Variants in GMDS observed in about 807,000 individuals in gnomAD.
GMDS encodes GDP-mannose 4,6-dehydratase.
GMDS carries 20 observed loss-of-function variants against 49.9 expected under a neutral mutation model. The ratio of observed to expected loss-of-function variants is 0.40; its 90% CI spans 0.28 to 0.58. The LOEUF is 0.58. Ranked by LOEUF, GMDS falls within the 20% of genes least tolerant of loss-of-function variation. The pLI, the probability that GMDS is intolerant of heterozygous loss-of-function variation, is 0.42. For synonymous variants in GMDS, 177 were observed against 178.6 expected, an observed-to-expected ratio of 0.99 and a Z score of 0.07; for missense variants, 362 against 481.4, an observed-to-expected ratio of 0.75 and a Z score of 2.32.
At chr6:1,681,131 CA>C (rs1764772336) in intron 9 of GMDS, among the ~76,000 whole-genome samples, 1 of 152,124 alleles carries the variant, frequency 6.6e-6, no homozygotes. Context: ...CACACACTTA[CA>C]GATACACACA....
intron 4 of GMDS, among the ~76,000 whole-genome samples, chr6:1,997,507 CAAA>C (rs542421435): frequency 1.5e-4 from 9 of 61,604 alleles, no homozygotes; most frequent in African/African-American, 5.6e-4. Flanking sequence ...GACTCTGTCT[CAAA>C]AAAAAAAAAA....
At chr6:1,626,543 C>G (rs2113139283) in intron 9 of GMDS, among the ~76,000 whole-genome samples, 1 of 152,254 alleles carries the variant, frequency 6.6e-6, no homozygotes, top group South Asian at 2.1e-4. Flanking sequence ...ATTCTTTTTC[C>G]CCAGAGGAAG....
At chr6:2,181,193 A>AAG (rs1037488862) in intron 1 of GMDS, among the ~76,000 whole-genome samples, 3 of 151,538 alleles carry the variant, frequency 2.0e-5, no homozygotes, top group African/African-American at 7.3e-5. Context: ...AAAAAAAAAA[A>AAG]AAGACAGATC....
At chr6:1,676,461 G>C (rs1040807264) in intron 9 of GMDS, among the ~76,000 whole-genome samples, 3 of 152,182 alleles carry the variant, frequency 2.0e-5, no homozygotes, top group African/African-American at 7.2e-5. Flanking sequence ...CCAAAAAAGA[G>C]CCCGCATTGC....
At chr6:1,959,683 C>T (rs1406980172) in intron 6 of GMDS, 184 bp downstream of exon 6, 2 of 396,014 alleles carry the variant, frequency 5.1e-6, no homozygotes, top group Non-Finnish European at 9.0e-6. Flanking sequence ...CCCACAAACT[C>T]AAAATAAAAT....
At chr6:2,071,428 G>A (rs1771990761) in intron 4 of GMDS, among the ~76,000 whole-genome samples, 1 of 151,826 alleles carries the variant, frequency 6.6e-6, no homozygotes, top group Non-Finnish European at 1.5e-5. Context: ...TCCTTTCCAT[G>A]AGCCCATGTG....
rs547580398 is a variant in GMDS at position 2,153,011 on chromosome 6, C to T, written c.103-28280G>A. Among the ~76,000 whole-genome samples the T allele has an allele frequency of 1.4e-3, 208 of 151,994 alleles. 2 individuals carry two copies. The highest frequency in any genetic ancestry group is 2.0e-3 in the Non-Finnish European group (134 of 67,954). On this transcript the variant is annotated intron_variant, in intron 1 of 10. Coordinates refer to ENST00000380815, the MANE Select transcript of GMDS (RefSeq NM_001500.4). Reference sequence around the variant, plus strand: ...AGGGGCATCGCTTGAACCCAGTAGGCGGAAGTCGCTGCACTCCAGCCTGGG... The same window carrying T: ...AGGGGCATCGCTTGAACCCAGTAGGTGGAAGTCGCTGCACTCCAGCCTGGG...
intron 4 of GMDS, among the ~76,000 whole-genome samples, chr6:2,009,834 C>G (rs1234507256): frequency 6.6e-6 from 1 of 152,180 alleles, no homozygotes; most frequent in Non-Finnish European, 1.5e-5. Flanking sequence ...CGTTACTGTA[C>G]TCTCCAAAAC....
At chr6:1,843,653 A>C (rs543373859) in intron 7 of GMDS, among the ~76,000 whole-genome samples, 1 of 152,282 alleles carries the variant, frequency 6.6e-6, no homozygotes, top group South Asian at 2.1e-4. Flanking sequence ...CTGTAGTCCC[A>C]GTTACCCAGG....
intron 7 of GMDS, among the ~76,000 whole-genome samples, chr6:1,773,530 C>T (rs542992735): frequency 1.3e-5 from 2 of 152,284 alleles, no homozygotes; most frequent in South Asian, 2.1e-4. Flanking sequence ...TGGGCAGGTG[C>T]GTGCACATCG....
chr6:2,060,880 C>G (rs1457418755), intron 4 of GMDS, among the ~76,000 whole-genome samples: 5 of 151,964 alleles, frequency 3.3e-5, no homozygotes, highest in Admixed American at 3.3e-4. Flanking sequence ...ATTAGCCGGG[C>G]GTAGTGGCAG....
chr6:2,030,604 CAT>C (rs1227958946), intron 4 of GMDS, among the ~76,000 whole-genome samples: 1 of 152,146 alleles, frequency 6.6e-6, no homozygotes, highest in African/African-American at 2.4e-5. Context: ...GGATGAATGA[CAT>C]GTGCACACAG....
At chr6:1,675,845 T>C (rs1764603955) in intron 9 of GMDS, among the ~76,000 whole-genome samples, 3 of 138,278 alleles carry the variant, frequency 2.2e-5, no homozygotes, top group Admixed American at 7.1e-5. Flanking sequence ...ACAGTGAGAC[T>C]CTGTCTCAAA....
intron 1 of GMDS, among the ~76,000 whole-genome samples, chr6:2,235,832 A>G (rs1198666374): frequency 2.1e-5 from 3 of 141,608 alleles, no homozygotes; most frequent in Non-Finnish European, 3.1e-5. Context: ...AAAAAATAAG[A>G]AAAAAAAAAA....
At chr6:2,212,251 C>G (rs57322395) in intron 1 of GMDS, among the ~76,000 whole-genome samples, 3,023 of 152,298 alleles carry the variant, frequency 0.02, 66 homozygotes, top group African/African-American at 0.052. Flanking sequence ...AGTGGCTCTA[C>G]TGTTATTTTC....
chr6:2,171,346 T>C (rs1451877566), intron 1 of GMDS, among the ~76,000 whole-genome samples: 2 of 152,214 alleles, frequency 1.3e-5, no homozygotes, highest in Non-Finnish European at 2.9e-5. Flanking sequence ...CGGTCTGCTA[T>C]AACAAAATAC....
At chr6:2,021,093 A>C (rs1161962724) in intron 4 of GMDS, among the ~76,000 whole-genome samples, 1 of 152,212 alleles carries the variant, frequency 6.6e-6, no homozygotes, top group Non-Finnish European at 1.5e-5. Context: ...CAGGAACTCC[A>C]CATCCTGTTG....
chr6:1,848,553 T>G (rs1757517921), intron 7 of GMDS, among the ~76,000 whole-genome samples: 2 of 152,228 alleles, frequency 1.3e-5, no homozygotes, highest in Admixed American at 1.3e-4. Flanking sequence ...TTTTCTTGTT[T>G]TGTTTTGTTT....
At chr6:2,127,630 C>T (rs1307694274) in intron 1 of GMDS, among the ~76,000 whole-genome samples, 3 of 152,206 alleles carry the variant, frequency 2.0e-5, no homozygotes, top group African/African-American at 2.4e-5. Flanking sequence ...CCAGGCCTCT[C>T]GAGTGATAGG....
Sources: gnomAD v4.1 joint callset for allele counts (sites outside exome capture counted in the v4.1 genomes callset) on GRCh38, gnomAD v4.1.1 for gene constraint, MANE v1.5 for transcripts, NCBI Gene and HGNC (gene_info 2026-07-23, HGNC 2026-07-21) for gene names.